ERI1: variants seen among roughly 807,000 people sequenced by gnomAD.
The protein encoded by ERI1 is 3'-5' exoribonuclease 1.
A neutral mutation model predicts 39.7 loss-of-function variants in ERI1; 39 were observed. The ratio of observed to expected loss-of-function variants is 0.98; its 90% CI spans 0.76 to 1.28. The LOEUF (loss-of-function observed/expected upper bound fraction) is 1.28. Ranked by LOEUF, ERI1 falls within the 50% of genes most tolerant of loss-of-function variation. The probability of loss-of-function intolerance (pLI) is 0.00; values close to 1 mark genes in which losing one functional copy is unlikely to be tolerated. For synonymous variants in ERI1, 204 were observed against 149.6 expected, an observed-to-expected ratio of 1.36 and a Z score of -2.65; for missense variants, 581 against 416.9, an observed-to-expected ratio of 1.39 and a Z score of -3.43.
In ERI1 at chr8:9,031,485, T is replaced by G. The variant is rs1797584819; in HGVS notation, c.*1451T>G. 6.6e-6 allele frequency: 1 copy of G among 152,244 alleles called. No individual in the cohort carries two copies. The highest frequency in any genetic ancestry group is 2.4e-5 in the African/African-American group (1 of 41,468). The allele number at this position is 152,244 out of a possible 1,614,324, so 9.4% of individuals were successfully genotyped here. ...TAAGGAAATCTAAGTGCTTTAAGTT[T>G]ATACAGTTAACTCTTAGGATAAGAG... On this transcript the variant is annotated 3_prime_UTR_variant, in exon 7 of 7. Coordinates refer to ENST00000250263, the MANE Select transcript of ERI1 (RefSeq NM_153332.4).
intron 3 of ERI1, among the ~76,000 whole-genome samples, chr8:9,083,121 G>T (rs1371810403): frequency 1.3e-5 from 2 of 152,106 alleles, no homozygotes; most frequent in Non-Finnish European, 2.9e-5. Flanking sequence ...CCCTAGAAAA[G>T]CCCAGCCAAA....
At chr8:9,004,485 C>CTTTTTTTTTTTTTTTTTTTTTTTT (rs71201904) in intron 1 of ERI1, among the ~76,000 whole-genome samples, 1 of 78,328 alleles carries the variant, frequency 1.3e-5, no homozygotes, top group African/African-American at 5.0e-5. Flanking sequence ...TATAGTGATA[C>CTTTTTTTTTTTTTTTTTTTTTTTT]TTTTTTTTTT....
intron 3 of ERI1, among the ~76,000 whole-genome samples, chr8:9,015,738 AAAAG>A (rs1168914436): frequency 3.3e-5 from 5 of 151,240 alleles, no homozygotes; most frequent in East Asian, 1.9e-4. Context: ...AAAAAAAAAA[AAAAG>A]AGACCATCGT....
intron 2 of ERI1, 30 bp from the exon 3 acceptor site, chr8:9,011,512 A>G (rs1816664425): frequency 1.4e-6 from 2 of 1,470,722 alleles, no homozygotes; most frequent in African/African-American, 1.4e-5. Flanking sequence ...GAATTTACCT[A>G]AGTGTAACTA....
chr8:9,089,066 G>C (rs898722233), intron 3 of ERI1, among the ~76,000 whole-genome samples: 1 of 152,138 alleles, frequency 6.6e-6, no homozygotes, highest in Non-Finnish European at 1.5e-5. Context: ...GTGATATTTG[G>C]CAAGTTATTC....
rs543323120 is a variant in ERI1, at chr8:9,009,478, C to A, written c.287+1330C>A. ...GTATGGTTTCTGCAACATGATCTTG[C>A]CTTTTCTTCACCTGTTGTGCAACCA... is the stretch of plus-strand genomic sequence containing the variant. On this transcript the variant is annotated intron_variant, in intron 2 of 6. Transcript: ENST00000250263. Among the ~76,000 whole-genome samples the A allele has an allele frequency of 3.3e-5, 5 of 152,284 alleles. No individual in the cohort carries two copies. In the South Asian group the frequency reaches 1.0e-3, roughly 32 times the overall value.
intron 6 of ERI1, among the ~76,000 whole-genome samples, chr8:9,025,647 G>A (rs759793323): frequency 1.1e-4 from 16 of 151,668 alleles, no homozygotes; most frequent in Admixed American, 2.0e-4. Flanking sequence ...GTTTAATAAA[G>A]TTAATAACTC....
At chr8:9,019,494 A>G (rs189780435) in intron 5 of ERI1, among the ~76,000 whole-genome samples, 8 of 152,308 alleles carry the variant, frequency 5.3e-5, no homozygotes, top group Admixed American at 2.0e-4. Context: ...CAGTTCTGGT[A>G]AAGTCTCATT....
At chr8:9,036,898 G>GGGACCATGATTATCACA (rs1195866939), downstream of ERI1, among the ~76,000 whole-genome samples, 1 of 151,996 alleles carries the variant, frequency 6.6e-6, no homozygotes, top group Non-Finnish European at 1.5e-5. Context: ...TTTTGTCAGT[G>GGGACCATGATTATCACA]GGACCATGAT....
At chr8:9,084,739 T>G (rs146736663) in intron 3 of ERI1, among the ~76,000 whole-genome samples, 50 of 152,280 alleles carry the variant, frequency 3.3e-4, no homozygotes, top group African/African-American at 1.2e-3. Flanking sequence ...CTAACTACAT[T>G]AATAAAGCCC....
At chr8:9,065,279 T>A (rs529822978) in intron 3 of ERI1, among the ~76,000 whole-genome samples, 104 of 152,298 alleles carry the variant, frequency 6.8e-4, no homozygotes, top group Non-Finnish European at 1.2e-3. Context: ...TGTTTTTGCT[T>A]CTTTCTACGA....
intron 3 of ERI1, among the ~76,000 whole-genome samples, chr8:9,061,843 G>A (rs1485563580): frequency 2.0e-5 from 3 of 151,270 alleles, no homozygotes; most frequent in African/African-American, 4.9e-5. Flanking sequence ...TGCTGAGCCT[G>A]ATGGGTGTCA....
chr8:9,080,306 C>G (rs573668787), intron 3 of ERI1, among the ~76,000 whole-genome samples: 1 of 152,306 alleles, frequency 6.6e-6, no homozygotes, highest in African/African-American at 2.4e-5. Flanking sequence ...ACCCAAGTAG[C>G]CTGACTAGAT....
chr8:9,089,733 G>A lies in ERI1; in HGVS notation n.300-26615G>A, dbSNP rs570892167. 5.9e-5 allele frequency among the ~76,000 whole-genome samples: 9 copies of A among 152,276 alleles called. No homozygotes were observed. In the East Asian group the frequency reaches 9.7e-4, roughly 16 times the overall value. ...ACAAAATGACGAGGTTTGTGTAGCC[G>A]GAGCGATGCCTTGGGTTTTTGTTGT... On this transcript the variant is annotated intron_variant and non_coding_transcript_variant, in intron 3 of 3. Transcript: ENST00000518663.
chr8:9,039,890 A>G (rs1797962505), intron 3 of ERI1, among the ~76,000 whole-genome samples: 1 of 152,172 alleles, frequency 6.6e-6, no homozygotes, highest in African/African-American at 2.4e-5. Flanking sequence ...GATTGTGGTC[A>G]GTTTTTTTCA....
chr8:9,007,163 C>G (rs1363844128), intron 1 of ERI1, among the ~76,000 whole-genome samples: 1 of 152,072 alleles, frequency 6.6e-6, no homozygotes, highest in Non-Finnish European at 1.5e-5. Context: ...CATGTTTTTT[C>G]TTAACAGATT....
intron 3 of ERI1, among the ~76,000 whole-genome samples, chr8:9,015,980 CTT>C (rs1410580406): frequency 2.0e-5 from 3 of 151,964 alleles, no homozygotes; most frequent in East Asian, 1.9e-4. Context: ...ATTTTTAAAA[CTT>C]AGTATCTTGA....
chr8:9,044,881 G>T (rs1798129416), intron 3 of ERI1, among the ~76,000 whole-genome samples: 1 of 152,194 alleles, frequency 6.6e-6, no homozygotes, highest in African/African-American at 2.4e-5. Flanking sequence ...CACTGAGCCA[G>T]ATTTCACATG....
At chr8:9,020,670 A>G (rs943313889) in intron 6 of ERI1, among the ~76,000 whole-genome samples, 4 of 152,208 alleles carry the variant, frequency 2.6e-5, no homozygotes, top group Non-Finnish European at 4.4e-5. Context: ...AAGTAGGTTA[A>G]CTATATATAC....
Sources: gnomAD v4.1 joint callset for allele counts (sites outside exome capture counted in the v4.1 genomes callset) on GRCh38, gnomAD v4.1.1 for gene constraint, MANE v1.5 for transcripts, NCBI Gene and HGNC (gene_info 2026-07-23, HGNC 2026-07-21) for gene names.